Variants in TEDC1 observed in about 807,000 individuals in gnomAD.
TEDC1 encodes the protein tubulin epsilon and delta complex 1.
TEDC1 carries 54 observed loss-of-function variants against 59.9 expected under a neutral mutation model. The observed-to-expected ratio is 0.90, with a 90% CI of 0.72 to 1.13. The LOEUF is 1.13. TEDC1 is among the 50% of genes most tolerant of loss of function. TEDC1 has a pLI of 0.00. For synonymous variants in TEDC1, 353 were observed against 298.1 expected (o/e 1.18, Z -1.90); for missense variants, 734 against 683.4 (o/e 1.07, Z -0.83).
At chr14:105,493,283 C>T (rs1306355304) in intron 4 of TEDC1, among the ~76,000 whole-genome samples, 1 of 152,090 alleles carries the variant, frequency 6.6e-6, no homozygotes, top group Non-Finnish European at 1.5e-5. Flanking sequence ...CTTGGAGACC[C>T]CCCCATCCCA....
intron 3 of TEDC1, 118 bp from the exon 4 acceptor site, chr14:105,492,461 C>A: frequency 6.8e-7 from 1 of 1,464,212 alleles, no homozygotes; most frequent in Non-Finnish European, 9.1e-7. Context: ...AGCACGGAGG[C>A]TCCCTGTGCA....
intron 5 of TEDC1, chr14:105,495,549 G>T: frequency 3.5e-6 from 1 of 284,716 alleles, no homozygotes; most frequent in South Asian, 5.5e-5. Context: ...AGCTGGACCT[G>T]TGTCCCTGGC....
intron 3 of TEDC1, 93 bp from the exon 4 acceptor site, chr14:105,492,485 GT>G: frequency 6.8e-7 from 1 of 1,473,106 alleles, no homozygotes; most frequent in Non-Finnish European, 9.0e-7. Flanking sequence ...AGCACCCGTT[GT>G]TTTTGGCTGT....
chr14:105,493,950 TGCTGCGGGGGGGTGGGGGTGG>T lies in TEDC1; in HGVS notation c.684+22_684+42del. On this transcript the variant is annotated intron_variant, in intron 5 of 8. Transcript: ENST00000392523. The stretch of plus-strand genomic sequence containing the variant: ...GGCCAGCAGGTGAGGGCGGGCAAGC[TGCTGCGGGGGGGTGGGGGTGG>T]GCTGGGGGGCACAGCAGGGGGACTG... 3.9e-6 allele frequency: 1 copy of T among 259,084 alleles called. No homozygotes were observed. Among genetic ancestry groups the T allele is most frequent in the Non-Finnish European group, 7.1e-6 (1 of 141,586 alleles). 16.0% of individuals were successfully genotyped at this position (259,084 alleles called of 1,614,324 possible). A position where few individuals can be genotyped will look rare whatever the true frequency, so the allele number is the denominator to read the frequency against.
rs149582667 is a variant in TEDC1, at chr14:105,499,236, C to G, written c.*290C>G. The G allele has an allele frequency of 5.3e-5, 27 of 513,426 alleles. No homozygotes were observed. In the Admixed American group the frequency reaches 7.1e-4, roughly 14 times the overall value. 31.8% of individuals were successfully genotyped at this position (513,426 alleles called of 1,614,324 possible). On this transcript the variant is annotated 3_prime_UTR_variant, in exon 9 of 9. Coordinates refer to ENST00000392523, the MANE Select transcript of TEDC1 (RefSeq NM_001367178.1). ...TTGTAGCAGCTTTCCTGCCGCTGGC[C>G]CTCCCCCTGCCACCCTGTCGGGTTT... is the stretch of plus-strand genomic sequence containing the variant.
chr14:105,491,424 G>A lies in TEDC1; in HGVS notation c.49G>A (p.Gly17Arg). ...RVDPAAGARA[G>R]ALPEAIAALS... is the part of the protein sequence containing the mutation. ...GGACCCCGCGGCTGGGGCCCGGGCC[G>A]GGGCCCTGCCTGAGGCCATCGCCGC... Residue 17 changes from glycine (G) to arginine (R), a missense_variant, in exon 1 of 9, where the codon GGG becomes AGG. Transcript: ENST00000392523. 1 of 1,424,594 alleles carries A rather than the reference G, an allele frequency of 7.0e-7. No homozygotes were observed. Among genetic ancestry groups the A allele is most frequent in the Non-Finnish European group, 9.1e-7 (1 of 1,098,492 alleles). The allele number at this position is 1,424,594 out of a possible 1,614,324, so 88.2% of individuals were successfully genotyped here. A position where few individuals can be genotyped will look rare whatever the true frequency, so the allele number is the denominator to read the frequency against.
In TEDC1 at chr14:105,496,046, GT is replaced by G; in HGVS notation, c.852del (p.Ala286ProfsTer76). 1.3e-6 allele frequency: 2 copies of G among 1,549,680 alleles called. No individual in the cohort carries two copies. The highest frequency in any genetic ancestry group is 2.4e-5 in the South Asian group (2 of 84,038). ...GACTGGGCAGCACCCTTGGATCCTG[GT>G]GGGGCCTCAGCCTGCAGCCTGCTCT... ...PGDWAAPLDP[G>X]GASACSLLSP... On this transcript the variant is annotated frameshift_variant, in exon 6 of 9. Coordinates refer to ENST00000392523, the MANE Select transcript of TEDC1 (RefSeq NM_001367178.1). LOFTEE classifies it high-confidence loss of function.
intron 8 of TEDC1, 31 bp from the exon 9 acceptor site, chr14:105,498,586 G>A (rs587664472): frequency 6.0e-6 from 9 of 1,507,086 alleles, no homozygotes; most frequent in African/African-American, 2.8e-5. Context: ...GTCCTGGGGG[G>A]ACAGAGCCAT....
rs2084333692 is a variant in TEDC1 at position 105,495,877 on chromosome 14, A to G, written c.685-3A>G. 2 of 1,548,010 alleles carry G rather than the reference A, an allele frequency of 1.3e-6. No homozygotes were observed. The highest frequency in any genetic ancestry group is 2.4e-5 in the South Asian group (2 of 83,998). Reference sequence around the variant, plus strand: ...CTGGGGCCATGGCTGGCTTCCTTCCAAGGTTTCTGGAGCGGGAGCTGCCCA... The same window carrying G: ...CTGGGGCCATGGCTGGCTTCCTTCCGAGGTTTCTGGAGCGGGAGCTGCCCA... On this transcript the variant is annotated splice_polypyrimidine_tract_variant and splice_region_variant and intron_variant, in intron 5 of 8. Transcript: ENST00000392523.
Position 105,492,590 on chromosome 14 carries a change from G to A in TEDC1, c.441G>A (p.Leu147=). 2.6e-6 allele frequency: 4 copies of A among 1,539,378 alleles called. No homozygotes were observed. The highest frequency in any genetic ancestry group is 3.5e-6 in the Non-Finnish European group (4 of 1,146,796). Reference sequence around the variant, plus strand: ...TTGCCCCTCTCCAGTGTGAGGCCCTGGCCAGCCCTGGCCCACCTGCACCCC... The same window carrying A: ...TTGCCCCTCTCCAGTGTGAGGCCCTAGCCAGCCCTGGCCCACCTGCACCCC... ...DEMTVCQCEA[L]ASPGPPAPHM... is the part of the protein sequence containing the mutation. Residue 147 remains leucine, a synonymous_variant, in exon 4 of 9, where the codon CTG becomes CTA. Transcript: ENST00000392523.
At position 105,492,317 on chromosome 14, in the gene TEDC1, TG is replaced by T. The variant is rs1555439623; in HGVS notation, c.429+11del. ...GAGATGACTGTGTGCCAGGTGCGTG[TG>T]GGTGAGGGTGAGCTGAGCCAGCCCT... On this transcript the variant is annotated intron_variant, in intron 3 of 8. Transcript: ENST00000392523. 6.2e-7 allele frequency: 1 copy of T among 1,600,410 alleles called. No individual in the cohort carries two copies. Among genetic ancestry groups the T allele is most frequent in the East Asian group, 2.2e-5 (1 of 44,844 alleles).
rs1555440354 is a variant in TEDC1 at position 105,495,970 on chromosome 14, T to C, written c.775T>C (p.Phe259Leu). ...FCTPGMGPRTFWNDLWLVCEQ... is the reference protein window; with the variant it reads ...FCTPGMGPRTLWNDLWLVCEQ... Reference sequence around the variant, plus strand: ...CACTCCTGGGATGGGTCCCAGAACCTTCTGGAATGATCTGTGGCTGGTATG... The same window carrying C: ...CACTCCTGGGATGGGTCCCAGAACCCTCTGGAATGATCTGTGGCTGGTATG... Residue 259 changes from phenylalanine to leucine, a missense_variant, in exon 6 of 9, where the codon TTC (phenylalanine) becomes CTC (leucine). Physicochemically the swap from Phe to Leu is conservative, Grantham distance 22. Coordinates refer to ENST00000392523, the MANE Select transcript of TEDC1 (RefSeq NM_001367178.1). The C allele has an allele frequency of 1.3e-6, 2 of 1,550,212 alleles. No homozygotes were observed. Among genetic ancestry groups the C allele is most frequent in the Non-Finnish European group, 1.7e-6 (2 of 1,146,928 alleles).
intron 7 of TEDC1, 176 bp from the exon 8 acceptor site, chr14:105,497,622 G>A (rs1308415241): frequency 9.3e-5 from 102 of 1,099,342 alleles, no homozygotes; most frequent in Middle Eastern, 2.3e-4. Flanking sequence ...TGCTGCCCCC[G>A]CCCTCAGCTC....
At chr14:105,497,481 C>G in intron 7 of TEDC1, 38 bp downstream of exon 7, 1 of 1,532,652 alleles carries the variant, frequency 6.5e-7, no homozygotes, top group Non-Finnish European at 8.8e-7. Context: ...GGCATCCCTT[C>G]CCACAGCAGC....
At chr14:105,497,320 G>C in intron 6 of TEDC1, 37 bp from the exon 7 acceptor site, 2 of 1,541,490 alleles carry the variant, frequency 1.3e-6, no homozygotes, top group East Asian at 4.9e-5. Flanking sequence ...ATGGGGTCCC[G>C]TGTGAGGTTC....
rs781804769 is a variant in TEDC1, at chr14:105,493,885, G to C, written c.636G>C (p.Leu212=). 1 of 1,597,228 alleles carries C rather than the reference G, an allele frequency of 6.3e-7. No individual in the cohort carries two copies. The highest frequency in any genetic ancestry group is 1.1e-5 in the South Asian group (1 of 90,852). ...ACAGCGACCAGAGCCTTAGCCATCT[G>C]TCTGTCACTGAAGCAGAGATGCTCA... is the stretch of plus-strand genomic sequence containing the variant. ...GCHSDQSLSH[L]SVTEAEMLRD... Residue 212 remains leucine (L), a synonymous_variant, in exon 5 of 9, where the codon CTG becomes CTC. Coordinates refer to ENST00000392523, the MANE Select transcript of TEDC1 (RefSeq NM_001367178.1).
chr14:105,491,125 G>T (rs781966169), upstream of TEDC1: 7 of 1,551,044 alleles, frequency 4.5e-6, no homozygotes, highest in South Asian at 1.2e-5. Context: ...CGCGGTGATT[G>T]GGTACAGGTC....
chr14:105,496,349 C>G, intron 6 of TEDC1: 1 of 504,550 alleles, frequency 2.0e-6, no homozygotes, highest in South Asian at 2.2e-5. Flanking sequence ...GCTCCCACAC[C>G]GCCCACAGAC....
Position 105,496,071 on chromosome 14 carries a change from C to T in TEDC1, c.876C>T (p.Leu292=). ...GTGGGGCCTCAGCCTGCAGCCTGCT[C>T]TCCCCTTTTAGGGCGGTAAGTCGGG... ...DPGGASACSL[L]SPFRALLRTL... is the part of the protein sequence containing the mutation. The change falls in exon 6 of 9, where the codon CTC becomes CTT. Residue 292 remains leucine (L), a synonymous_variant. Transcript: ENST00000392523. The T allele has an allele frequency of 7.2e-7, 1 of 1,397,326 alleles. No individual in the cohort carries two copies. The highest frequency in any genetic ancestry group is 9.5e-7 in the Non-Finnish European group (1 of 1,049,714). 86.6% of individuals were successfully genotyped at this position (1,397,326 alleles called of 1,614,324 possible).
Sources: allele counts gnomAD v4.1 joint callset (sites outside exome capture counted in the v4.1 genomes callset), GRCh38; gene constraint gnomAD v4.1.1; transcripts MANE v1.5; gene names NCBI Gene and HGNC (gene_info 2026-07-23, HGNC 2026-07-21).